Variants in CRTC3 observed in about 807,000 individuals in gnomAD.
CRTC3 encodes the protein CREB-regulated transcription coactivator 3.
In CRTC3, 26 loss-of-function variants were observed where a neutral mutation model predicts 74.5. That is an observed-to-expected ratio of 0.35 (90% CI 0.26 to 0.48). The LOEUF is 0.48. Among genes scored for constraint, CRTC3 ranks in the 20% least tolerant of loss-of-function variants. The pLI is 0.99. For missense variants in CRTC3, 760 were observed against 787.3 expected, an observed-to-expected ratio of 0.97 and a Z score of 0.41; for synonymous variants, 377 against 325.8, an observed-to-expected ratio of 1.16 and a Z score of -1.69.
chr15:90,604,133 G>A, intron 4 of CRTC3: 1 of 407,078 alleles, frequency 2.5e-6, no homozygotes, highest in South Asian at 3.3e-5. Flanking sequence ...TGCCCAGCTA[G>A]CTAATCCTGT....
intron 2 of CRTC3, among the ~76,000 whole-genome samples, chr15:90,566,717 T>C (rs895720473): frequency 1.3e-5 from 2 of 150,218 alleles, no homozygotes; most frequent in Non-Finnish European, 3.0e-5. Context: ...CCTTTCTTTT[T>C]TTTTTTTTTT....
chr15:90,620,977 T>C (rs1161120445), intron 9 of CRTC3, among the ~76,000 whole-genome samples: 2 of 152,058 alleles, frequency 1.3e-5, no homozygotes, highest in South Asian at 2.1e-4. Context: ...CTCAGGTGAT[T>C]TGCTGAGCTG....
intron 2 of CRTC3, among the ~76,000 whole-genome samples, chr15:90,548,724 A>G (rs1046370695): frequency 1.4e-4 from 22 of 152,228 alleles, no homozygotes; most frequent in Admixed American, 2.0e-4. Flanking sequence ...TAAGCTCTCT[A>G]TGTAGATGGT....
At chr15:90,577,662 A>G (rs1431715450) in intron 2 of CRTC3, among the ~76,000 whole-genome samples, 4 of 152,244 alleles carry the variant, frequency 2.6e-5, no homozygotes, top group Non-Finnish European at 4.4e-5. Flanking sequence ...TAAAGAAAAC[A>G]GGTTATGTAT....
At chr15:90,624,228 TCTC>T (rs765221968) in intron 9 of CRTC3, among the ~76,000 whole-genome samples, 1 of 151,982 alleles carries the variant, frequency 6.6e-6, no homozygotes, top group Non-Finnish European at 1.5e-5. Flanking sequence ...TCTCCCGCAT[TCTC>T]CTCCGCGTCA....
At position 90,628,488 on chromosome 15, in the gene CRTC3, G is replaced by A. The variant is rs1197069421; in HGVS notation, c.968-746G>A. 2.0e-5 allele frequency among the ~76,000 whole-genome samples: 3 copies of A among 152,194 alleles called. No individual in the cohort carries two copies. The East Asian group carries it at 5.8e-4, about 29-fold the overall frequency. ...CATGCCAGGCCCTGTGCCAGGTGCT[G>A]AGGATCCAGCAGGGCATAGGACAGG... On this transcript the variant is annotated intron_variant, in intron 10 of 14. Transcript: ENST00000268184.
chr15:90,635,855 T>G (rs1050642078), intron 11 of CRTC3, among the ~76,000 whole-genome samples: 7 of 152,090 alleles, frequency 4.6e-5, no homozygotes, highest in Admixed American at 3.3e-4. Flanking sequence ...ATAAGGGATG[T>G]GAAGGACCTC....
intron 2 of CRTC3, among the ~76,000 whole-genome samples, chr15:90,562,999 A>G (rs918381937): frequency 3.3e-5 from 5 of 152,214 alleles, no homozygotes; most frequent in Non-Finnish European, 4.4e-5. Context: ...TTACTCTGCC[A>G]TCTTGTCATT....
chr15:90,603,287 C>CA (rs752070955), intron 4 of CRTC3, among the ~76,000 whole-genome samples: 71 of 148,696 alleles, frequency 4.8e-4, no homozygotes, highest in Non-Finnish European at 8.1e-4. Context: ...ACTAAAAATA[C>CA]AAAAAAGTAG....
intron 2 of CRTC3, among the ~76,000 whole-genome samples, chr15:90,551,057 G>C (rs62019426): frequency 0.026 from 3,940 of 152,270 alleles, 88 homozygotes; most frequent in Non-Finnish European, 0.041. Flanking sequence ...AAGAGGTGAA[G>C]TTTCTTCATG....
At chr15:90,545,052 A>G (rs1417828212) in intron 2 of CRTC3, among the ~76,000 whole-genome samples, 2 of 152,110 alleles carry the variant, frequency 1.3e-5, no homozygotes, top group Non-Finnish European at 2.9e-5. Flanking sequence ...TTCTGTCTCT[A>G]TGACTTTGAC....
chr15:90,540,258 T>G (rs1273330326), intron 2 of CRTC3, 121 bp downstream of exon 2: 8 of 654,782 alleles, frequency 1.2e-5, no homozygotes, highest in Non-Finnish European at 2.0e-5. Flanking sequence ...AGTCTTCTTT[T>G]GGAAAGTCCA....
intron 2 of CRTC3, among the ~76,000 whole-genome samples, chr15:90,578,911 TCTG>T (rs1967470850): frequency 1.3e-5 from 2 of 152,200 alleles, no homozygotes; most frequent in Non-Finnish European, 2.9e-5. Flanking sequence ...ATTCTAAGCA[TCTG>T]TAATCTGTCT....
At chr15:90,555,285 A>G (rs1451705396) in intron 2 of CRTC3, among the ~76,000 whole-genome samples, 1 of 152,176 alleles carries the variant, frequency 6.6e-6, no homozygotes, top group Non-Finnish European at 1.5e-5. Context: ...ATTTGTTCTG[A>G]CTATTAAAAT....
At chr15:90,603,244 C>T (rs1033327979) in intron 4 of CRTC3, among the ~76,000 whole-genome samples, 8 of 150,464 alleles carry the variant, frequency 5.3e-5, no homozygotes, top group Non-Finnish European at 1.2e-4. Context: ...GAGATCGAGA[C>T]CATCCTCGCT....
chr15:90,573,249 G>A (rs1038239880), intron 2 of CRTC3, among the ~76,000 whole-genome samples: 17 of 152,306 alleles, frequency 1.1e-4, no homozygotes, highest in Admixed American at 2.6e-4. Flanking sequence ...CCACAAAGGC[G>A]TGAACACCAG....
chr15:90,590,938 C>A (rs549533667), intron 2 of CRTC3, among the ~76,000 whole-genome samples: 1 of 151,966 alleles, frequency 6.6e-6, no homozygotes, highest in Non-Finnish European at 1.5e-5. Flanking sequence ...GCTGTTAAAT[C>A]GAAAATAAGA....
At chr15:90,558,906 C>T (rs1455780656) in intron 2 of CRTC3, among the ~76,000 whole-genome samples, 2 of 151,898 alleles carry the variant, frequency 1.3e-5, no homozygotes, top group Non-Finnish European at 1.5e-5. Context: ...CGTGTGCTAC[C>T]ACGCCCGGCT....
chr15:90,609,871 G>A (rs1968317597), intron 6 of CRTC3, among the ~76,000 whole-genome samples: 1 of 152,186 alleles, frequency 6.6e-6, no homozygotes, highest in Admixed American at 6.5e-5. Flanking sequence ...AATCGTGGTG[G>A]TCTCTCCTTT....
Sources: allele counts gnomAD v4.1 joint callset (sites outside exome capture counted in the v4.1 genomes callset), GRCh38; gene constraint gnomAD v4.1.1; transcripts MANE v1.5; gene names NCBI Gene and HGNC (gene_info 2026-07-23, HGNC 2026-07-21).